Variants in RBFOX1 observed in about 807,000 individuals in gnomAD.
RBFOX1 encodes RNA binding protein fox-1 homolog 1.
RBFOX1 carries 8 observed loss-of-function variants against 57.7 expected under a neutral mutation model. The observed-to-expected ratio is 0.14, with a 90% CI of 0.08 to 0.25. RBFOX1 has a LOEUF of 0.25. RBFOX1 is among the 10% of genes least tolerant of loss of function. The pLI, the probability that RBFOX1 is intolerant of heterozygous loss-of-function variation, is 1.00. For synonymous variants in RBFOX1, 326 were observed against 222.4 expected, an observed-to-expected ratio of 1.47 and a Z score of -4.15; for missense variants, 611 against 548.5, an observed-to-expected ratio of 1.11 and a Z score of -1.14.
At chr16:6,399,436 A>G (rs1311649416) in intron 2 of RBFOX1, among the ~76,000 whole-genome samples, 1 of 152,204 alleles carries the variant, frequency 6.6e-6, no homozygotes, top group African/African-American at 2.4e-5. Context: ...GCAAAATGCC[A>G]CCAGACTCTC....
intron 4 of RBFOX1, among the ~76,000 whole-genome samples, chr16:7,404,874 G>A (rs1404028672): frequency 1.3e-5 from 2 of 152,110 alleles, no homozygotes; most frequent in African/African-American, 4.8e-5. Flanking sequence ...GAGGGGTGCC[G>A]TTCAGGATGG....
In RBFOX1 at chr16:7,518,097, G is replaced by T. The variant is rs372020498; in HGVS notation, c.28-50G>T. The T allele has an allele frequency of 1.0e-5, 16 of 1,569,596 alleles. No individual in the cohort carries two copies. The African/African-American group carries it at 2.2e-4, about 21-fold the overall frequency. On this transcript the variant is annotated intron_variant, in intron 4 of 15. Transcript: ENST00000550418. ...GATCTGGGAGGAAGGTTTCTGCATG[G>T]TGGCTCCTCATGACGTTCTCTCCCT...
At position 5,447,826 on chromosome 16, in the gene RBFOX1, A is replaced by G. The variant is rs78526641; in HGVS notation, c.220-19390A>G. ...CTGCTCAGCCTCTTCTGTGCTTGGC[A>G]TGGCATGGATACCCATGGCCGAAAG... On this transcript the variant is annotated intron_variant, in intron 1 of 2. Coordinates refer to the RBFOX1 transcript ENST00000585867. 7.5e-3 allele frequency among the ~76,000 whole-genome samples: 1,142 copies of G among 152,312 alleles called. 18 individuals carry two copies. The highest frequency in any genetic ancestry group is 0.026 in the African/African-American group (1,101 of 41,574).
At chr16:5,995,532 A>C (rs1202529996) in intron 4 of RBFOX1, among the ~76,000 whole-genome samples, 1 of 152,238 alleles carries the variant, frequency 6.6e-6, no homozygotes, top group Non-Finnish European at 1.5e-5. Flanking sequence ...AAGGATACAG[A>C]AATGTGAGAG....
chr16:5,672,251 G>T (rs1237777085), intron 3 of RBFOX1, among the ~76,000 whole-genome samples: 1 of 152,100 alleles, frequency 6.6e-6, no homozygotes, highest in Non-Finnish European at 1.5e-5. Flanking sequence ...AACTGTCTGG[G>T]CAGATGCCTA....
intron 4 of RBFOX1, among the ~76,000 whole-genome samples, chr16:5,997,574 A>T (rs965070294): frequency 6.6e-6 from 1 of 152,216 alleles, no homozygotes; most frequent in African/African-American, 2.4e-5. Flanking sequence ...AGAATCACCA[A>T]ATCTCTAGAG....
chr16:5,614,229 G>A (rs1251496769), intron 3 of RBFOX1, among the ~76,000 whole-genome samples: 3 of 152,076 alleles, frequency 2.0e-5, no homozygotes, highest in African/African-American at 7.2e-5. Flanking sequence ...AACTGAGACT[G>A]CAGACATTTT....
chr16:5,613,924 CT>C (rs59357758), intron 3 of RBFOX1, among the ~76,000 whole-genome samples: 51,512 of 143,518 alleles, frequency 0.36, 11,670 homozygotes, highest in African/African-American at 0.66. Flanking sequence ...TTTCCTTGGA[CT>C]TTTTTTTTTT....
intron 3 of RBFOX1, among the ~76,000 whole-genome samples, chr16:6,913,010 C>T (rs991510121): frequency 6.6e-6 from 1 of 151,990 alleles, no homozygotes; most frequent in Non-Finnish European, 1.5e-5. Flanking sequence ...TATTCTACTT[C>T]CTATTTCTGC....
chr16:7,363,671 C>T (rs748453553), intron 4 of RBFOX1, among the ~76,000 whole-genome samples: 1 of 152,150 alleles, frequency 6.6e-6, no homozygotes, highest in Non-Finnish European at 1.5e-5. Context: ...ATCCCTTTTG[C>T]TGGCTCCATT....
chr16:6,789,062 A>G (rs915392568), intron 3 of RBFOX1, among the ~76,000 whole-genome samples: 2 of 152,140 alleles, frequency 1.3e-5, no homozygotes, highest in Admixed American at 6.5e-5. Context: ...GGATGTCGCG[A>G]AATTGCCTAT....
chr16:6,056,637 C>T (rs925531757), intron 1 of RBFOX1, among the ~76,000 whole-genome samples: 1 of 152,096 alleles, frequency 6.6e-6, no homozygotes, highest in Non-Finnish European at 1.5e-5. Context: ...AGGAGACTGG[C>T]GTGGTCGCTG....
At chr16:5,770,744 TTTAA>T (rs1158385463) in intron 3 of RBFOX1, among the ~76,000 whole-genome samples, 1 of 152,188 alleles carries the variant, frequency 6.6e-6, no homozygotes, top group Non-Finnish European at 1.5e-5. Context: ...TATTCCACTG[TTTAA>T]ACACCTAATG....
chr16:6,735,632 T>C (rs1448352748), intron 3 of RBFOX1, among the ~76,000 whole-genome samples: 1 of 152,204 alleles, frequency 6.6e-6, no homozygotes, highest in Non-Finnish European at 1.5e-5. Context: ...TGTGTAACAT[T>C]GGATCGATCA....
rs1028762825 is a variant in RBFOX1 at position 5,946,728 on chromosome 16, G to A, written c.351+79393G>A. ...GAAGTACAGGCTTGCTCTGAAGTGGGGCCAGTCTTGTGGGACTGGGCCCTC... is the reference window on the plus strand; with the variant it reads ...GAAGTACAGGCTTGCTCTGAAGTGGAGCCAGTCTTGTGGGACTGGGCCCTC... On this transcript the variant is annotated intron_variant, in intron 4 of 19. Transcript: ENST00000641259. The surrounding 1 kb of genome is among the most constrained non-coding windows in gnomAD (Gnocchi z 4.6). 1.3e-5 allele frequency among the ~76,000 whole-genome samples: 2 copies of A among 152,106 alleles called. No homozygotes were observed. Among genetic ancestry groups the A allele is most frequent in the Non-Finnish European group, 2.9e-5 (2 of 68,020 alleles).
chr16:7,001,060 A>G (rs2092745426), intron 3 of RBFOX1, among the ~76,000 whole-genome samples: 2 of 152,152 alleles, frequency 1.3e-5, no homozygotes, highest in South Asian at 2.1e-4. Context: ...AAAATCTTTT[A>G]CTGATTCTTT....
At position 5,902,409 on chromosome 16, in the gene RBFOX1, A is replaced by T. The variant is rs960796372; in HGVS notation, c.351+35074A>T. 1.1e-4 allele frequency among the ~76,000 whole-genome samples: 17 copies of T among 152,074 alleles called. No individual in the cohort carries two copies. The East Asian group carries it at 1.4e-3, about 12-fold the overall frequency. On this transcript the variant is annotated intron_variant, in intron 4 of 19. Coordinates refer to the RBFOX1 transcript ENST00000641259. ...GAGATGTTCCTTAATTTAATTAATT[A>T]ATTTATTTTTATTTTTATTTTTGAG...
intron 2 of RBFOX1, among the ~76,000 whole-genome samples, chr16:6,454,215 A>C (rs1200651284): frequency 6.6e-6 from 1 of 152,174 alleles, no homozygotes; most frequent in Non-Finnish European, 1.5e-5. Context: ...TCAATATATG[A>C]ATTTGGGAGT....
chr16:5,981,903 G>C (rs367759560), intron 4 of RBFOX1, among the ~76,000 whole-genome samples: 2 of 152,236 alleles, frequency 1.3e-5, no homozygotes, highest in East Asian at 1.9e-4. Context: ...AGGCAGGCCG[G>C]TAAACATCCC....
Sources: gnomAD v4.1 joint callset for allele counts (sites outside exome capture counted in the v4.1 genomes callset) on GRCh38, gnomAD v4.1.1 for gene constraint, Gnocchi (gnomAD v3.1) non-coding constraint, MANE v1.5 for transcripts, NCBI Gene and HGNC (gene_info 2026-07-23, HGNC 2026-07-21) for gene names.